PINX1: variants seen among roughly 807,000 people sequenced by gnomAD.
PINX1 encodes the protein PIN2 (TERF1) interacting telomerase inhibitor 1, also known as PIN2/TERF1-interacting telomerase inhibitor 1.
PINX1 carries 34 observed loss-of-function variants against 25.4 expected under a neutral mutation model. The ratio of observed to expected loss-of-function variants is 1.34; its 90% CI spans 1.02 to 1.78. The LOEUF is 1.78. Ranked by LOEUF, PINX1 falls within the 40% of genes most tolerant of loss-of-function variation. The pLI is 0.00. For missense variants in PINX1, 592 were observed against 404.9 expected, an observed-to-expected ratio of 1.46 and a Z score of -3.97; for synonymous variants, 197 against 147.7, an observed-to-expected ratio of 1.33 and a Z score of -2.42.
At chr8:10,826,991 A>T (rs1221915278) in intron 4 of PINX1, among the ~76,000 whole-genome samples, 2 of 152,218 alleles carry the variant, frequency 1.3e-5, no homozygotes, top group Non-Finnish European at 2.9e-5. Context: ...AAATGAATGG[A>T]GACCAAAAAA....
chr8:10,826,094 A>C (rs944311074), intron 5 of PINX1, 58 bp downstream of exon 5: 2 of 934,422 alleles, frequency 2.1e-6, no homozygotes, highest in South Asian at 1.5e-5. Flanking sequence ...AAATGCTTCA[A>C]GCAACTCAGG....
Position 10,765,226 on chromosome 8 carries a change from G to A in PINX1, c.*175C>T. The A allele has an allele frequency of 3.4e-6, 2 of 583,950 alleles. No individual in the cohort carries two copies. The highest frequency in any genetic ancestry group is 2.6e-5 in the South Asian group (1 of 37,742). The allele number at this position is 583,950 out of a possible 1,614,324, so 36.2% of individuals were successfully genotyped here. A position where few individuals can be genotyped will look rare whatever the true frequency, so the allele number is the denominator to read the frequency against. ...TTGAGAACATTAAAAAGGTCCTCCT[G>A]GGAATGTAACTTGGGGGAAATGTGG... On this transcript the variant is annotated 3_prime_UTR_variant, in exon 7 of 7. Transcript: ENST00000314787.
At chr8:10,818,225 C>T (rs17152542) in intron 6 of PINX1, among the ~76,000 whole-genome samples, 17,896 of 152,116 alleles carry the variant, frequency 0.12, 1,706 homozygotes, top group African/African-American at 0.26. Flanking sequence ...CACGATGTTG[C>T]ATCAAGGTTG....
chr8:10,788,489 C>T (rs907531336), intron 6 of PINX1, among the ~76,000 whole-genome samples: 1 of 151,938 alleles, frequency 6.6e-6, no homozygotes, highest in Non-Finnish European at 1.5e-5. Context: ...CGCTTGAAAC[C>T]GGGAGGTGGA....
chr8:10,765,913 C>T lies in PINX1; in HGVS notation c.475G>A (p.Asp159Asn), dbSNP rs200616748. 1.5e-3 allele frequency: 2,444 copies of T among 1,612,804 alleles called. 3 individuals are homozygous for T. The highest frequency in any genetic ancestry group is 1.9e-3 in the Non-Finnish European group (2,285 of 1,179,444). The change falls in exon 7 of 7, where the codon GAT (aspartate) becomes AAT (asparagine). Residue 159 changes from aspartate to asparagine, a missense_variant. Coordinates refer to ENST00000314787, the MANE Select transcript of PINX1 (RefSeq NM_017884.6). ...KRQSKKTPEGDASPSTPEENE... is the reference protein window; with the variant it reads ...KRQSKKTPEGNASPSTPEENE... ...TCCTCTGGAGTGGAGGGACTGGCAT[C>T]GCCCTATGGTGGGCAGAAGAGTTAA... is the stretch of plus-strand genomic sequence containing the variant.
chr8:10,775,987 C>A (rs1489780441), intron 6 of PINX1, among the ~76,000 whole-genome samples: 1 of 152,298 alleles, frequency 6.6e-6, no homozygotes, highest in African/African-American at 2.4e-5. Context: ...CTTGTAAAAG[C>A]CCCTGGGGAT....
At chr8:10,793,142 G>A (rs539806684) in intron 6 of PINX1, among the ~76,000 whole-genome samples, 126 of 152,162 alleles carry the variant, frequency 8.3e-4, no homozygotes, top group Non-Finnish European at 1.3e-3. Flanking sequence ...TCTTCCGCTT[G>A]AGGTGCTTCA....
At chr8:10,785,285 CATT>C (rs1330983539) in intron 6 of PINX1, among the ~76,000 whole-genome samples, 5 of 152,184 alleles carry the variant, frequency 3.3e-5, no homozygotes, top group African/African-American at 1.2e-4. Context: ...CTGCTTCTTG[CATT>C]ATTCTATGGA....
chr8:10,785,078 A>T (rs1010766648), intron 6 of PINX1, among the ~76,000 whole-genome samples: 3 of 152,186 alleles, frequency 2.0e-5, no homozygotes, highest in Non-Finnish European at 2.9e-5. Flanking sequence ...AAGGAAAAAA[A>T]CTTCTTTTTA....
intron 6 of PINX1, among the ~76,000 whole-genome samples, chr8:10,818,204 C>A (rs1797758344): frequency 2.0e-5 from 3 of 152,152 alleles, no homozygotes; most frequent in Admixed American, 1.3e-4. Flanking sequence ...TAATGGAAAT[C>A]TCACACAAAA....
intron 6 of PINX1, among the ~76,000 whole-genome samples, chr8:10,815,876 C>T (rs905195006): frequency 2.0e-5 from 3 of 152,186 alleles, no homozygotes; most frequent in African/African-American, 7.2e-5. Flanking sequence ...TAGAAAATAA[C>T]ACTGAGCATG....
At chr8:10,829,922 G>T (rs1423065264) in intron 4 of PINX1, among the ~76,000 whole-genome samples, 1 of 152,110 alleles carries the variant, frequency 6.6e-6, no homozygotes, top group Admixed American at 6.5e-5. Context: ...GACCTCAGGT[G>T]ATCCGCCCGC....
At chr8:10,825,267 G>C (rs17152571) in intron 5 of PINX1, 22 of 514,964 alleles carry the variant, frequency 4.3e-5, no homozygotes, top group Non-Finnish European at 4.0e-6. Flanking sequence ...GCCCTGATAC[G>C]CATGACATTC....
In PINX1 at chr8:10,779,532, C is replaced by T. The variant is rs138745360; in HGVS notation, c.472-13616G>A. ...AGAACTGCCACACACCCAAAACAAA[C>T]CCTCTGAATCTCTCTCTCTCTTTTT... On this transcript the variant is annotated intron_variant, in intron 6 of 6. Coordinates refer to ENST00000314787, the MANE Select transcript of PINX1 (RefSeq NM_017884.6). 2.8e-3 allele frequency among the ~76,000 whole-genome samples: 428 copies of T among 152,252 alleles called. 1 individual carries two copies. The highest frequency in any genetic ancestry group is 9.5e-3 in the African/African-American group (395 of 41,544).
At chr8:10,788,053 G>A (rs1417022411) in intron 6 of PINX1, among the ~76,000 whole-genome samples, 1 of 152,154 alleles carries the variant, frequency 6.6e-6, no homozygotes, top group Non-Finnish European at 1.5e-5. Flanking sequence ...GTGTGTTATG[G>A]AGTCCTTATC....
chr8:10,804,459 G>A (rs751443651), intron 6 of PINX1, among the ~76,000 whole-genome samples: 2 of 152,166 alleles, frequency 1.3e-5, no homozygotes, highest in African/African-American at 4.8e-5. Context: ...GCAGATTAGC[G>A]TGAGCTGGGC....
chr8:10,802,394 G>C (rs886442981), intron 6 of PINX1, among the ~76,000 whole-genome samples: 1 of 152,158 alleles, frequency 6.6e-6, no homozygotes, highest in Non-Finnish European at 1.5e-5. Flanking sequence ...AGGTTGACGT[G>C]TATGAAGACA....
At chr8:10,785,433 TA>T (rs1586149557) in intron 6 of PINX1, among the ~76,000 whole-genome samples, 1 of 152,328 alleles carries the variant, frequency 6.6e-6, no homozygotes, top group East Asian at 1.9e-4. Flanking sequence ...GACTTAATTA[TA>T]AACAGTTTGA....
rs777981521 is a variant in PINX1 at position 10,765,886 on chromosome 8, TCTC to T, written c.499_501del (p.Glu167del). 115 of 1,613,778 alleles carry T rather than the reference TCTC, an allele frequency of 7.1e-5. No individual in the cohort carries two copies. The highest frequency in any genetic ancestry group is 2.7e-4 in the Admixed American group (16 of 60,012). ...AAGGCGCTGGTTGTCGTGGTTTCGT[TCTC>T]CTCTGGAGTGGAGGGACTGGCATCG... On this transcript the variant is annotated inframe_deletion, in exon 7 of 7. Coordinates refer to ENST00000314787, the MANE Select transcript of PINX1 (RefSeq NM_017884.6).
Sources: gnomAD v4.1 joint callset for allele counts (sites outside exome capture counted in the v4.1 genomes callset) on GRCh38, gnomAD v4.1.1 for gene constraint, MANE v1.5 for transcripts, NCBI Gene and HGNC (gene_info 2026-07-23, HGNC 2026-07-21) for gene names.